The following PDE4B variants were observed in gnomAD, a reference collection of about 807,000 sequenced individuals.
PDE4B encodes the protein phosphodiesterase 4B.
A neutral mutation model predicts 82.2 loss-of-function variants in PDE4B; 20 were observed. That is an observed-to-expected ratio of 0.24 (90% CI 0.17 to 0.35). PDE4B has a LOEUF of 0.35. PDE4B is among the 10% of genes least tolerant of loss of function. The probability of loss-of-function intolerance (pLI) is 1.00; values close to 1 mark genes in which losing one functional copy is unlikely to be tolerated. For missense variants in PDE4B, 655 were observed against 907.2 expected (o/e 0.72, Z 3.57); for synonymous variants, 320 against 318.9 (o/e 1.00, Z -0.04).
chr1:66,293,482 A>G (rs1015092982), intron 7 of PDE4B, among the ~76,000 whole-genome samples: 7 of 151,458 alleles, frequency 4.6e-5, no homozygotes, highest in Admixed American at 4.6e-4. Context: ...CATTGCATGT[A>G]CCGTACTGAG....
chr1:66,351,116 A>T (rs1296396294), intron 8 of PDE4B, among the ~76,000 whole-genome samples: 1 of 152,234 alleles, frequency 6.6e-6, no homozygotes, highest in Non-Finnish European at 1.5e-5. Context: ...GTTGGGCATA[A>T]GCTTAAGAAG....
intron 3 of PDE4B, among the ~76,000 whole-genome samples, chr1:66,007,173 G>A (rs1401583001): frequency 6.6e-6 from 1 of 152,140 alleles, no homozygotes; most frequent in African/African-American, 2.4e-5. Context: ...GGCCAGGCAT[G>A]GTGGCTCATG....
chr1:66,245,237 A>T (rs1653210073), intron 3 of PDE4B, among the ~76,000 whole-genome samples: 1 of 152,226 alleles, frequency 6.6e-6, no homozygotes, highest in Admixed American at 6.5e-5. Context: ...GGCCTGGGGC[A>T]GTGGATGGAT....
chr1:66,315,644 G>A (rs1402797364), intron 7 of PDE4B, among the ~76,000 whole-genome samples: 4 of 151,950 alleles, frequency 2.6e-5, no homozygotes, highest in Admixed American at 1.3e-4. Flanking sequence ...TTTTTTAATA[G>A]AGACCGGATT....
intron 3 of PDE4B, among the ~76,000 whole-genome samples, chr1:66,213,805 A>T (rs1217462338): frequency 6.6e-6 from 1 of 152,134 alleles, no homozygotes; most frequent in Non-Finnish European, 1.5e-5. Flanking sequence ...TTTTTCATTC[A>T]TGCAGTTTTT....
intron 3 of PDE4B, among the ~76,000 whole-genome samples, chr1:66,088,238 A>G (rs1644938292): frequency 6.6e-6 from 1 of 152,072 alleles, no homozygotes; most frequent in African/African-American, 2.4e-5. Context: ...ATGTCAACTC[A>G]GACAAGGCAT....
At chr1:66,044,260 A>G (rs1300907818) in intron 3 of PDE4B, among the ~76,000 whole-genome samples, 1 of 151,730 alleles carries the variant, frequency 6.6e-6, no homozygotes, top group Admixed American at 6.6e-5. Context: ...TATTTCTTTT[A>G]GGTATATGAA....
chr1:66,057,228 T>C (rs1370071819), intron 3 of PDE4B, among the ~76,000 whole-genome samples: 2 of 152,186 alleles, frequency 1.3e-5, no homozygotes, highest in African/African-American at 2.4e-5. Flanking sequence ...TGCTAAGTGC[T>C]GGATATACTG....
At chr1:66,022,959 C>A (rs1653223072) in intron 3 of PDE4B, among the ~76,000 whole-genome samples, 1 of 152,010 alleles carries the variant, frequency 6.6e-6, no homozygotes, top group Admixed American at 6.6e-5. Context: ...TCTTGGTAGG[C>A]TATTAATTAT....
intron 4 of PDE4B, among the ~76,000 whole-genome samples, chr1:66,252,552 T>A (rs1233144103): frequency 1.3e-5 from 2 of 152,250 alleles, no homozygotes; most frequent in African/African-American, 4.8e-5. Flanking sequence ...CGATATCTCA[T>A]GTAATTGAAT....
rs542872618 is a variant in PDE4B at position 66,031,050 on chromosome 1, A to G, written c.281+112215A>G. The stretch of plus-strand genomic sequence containing the variant: ...GGGTGACAGGGTCATTGGGACCACA[A>G]GCCTCAACCACAGGCAATTTACCCA... On this transcript the variant is annotated intron_variant, in intron 3 of 16. Coordinates refer to ENST00000341517, the MANE Select transcript of PDE4B (RefSeq NM_002600.4). 5.9e-5 allele frequency among the ~76,000 whole-genome samples: 9 copies of G among 152,336 alleles called. No homozygotes were observed. The South Asian group carries it at 1.7e-3, about 28-fold the overall frequency.
intron 7 of PDE4B, among the ~76,000 whole-genome samples, chr1:66,280,392 A>T (rs571878546): frequency 6.6e-6 from 1 of 152,362 alleles, no homozygotes; most frequent in South Asian, 2.1e-4. Flanking sequence ...ATGCCAATCA[A>T]TTTGTGCCTA....
intron 7 of PDE4B, among the ~76,000 whole-genome samples, chr1:66,276,205 C>A (rs1011541250): frequency 6.6e-6 from 1 of 152,174 alleles, no homozygotes; most frequent in Non-Finnish European, 1.5e-5. Flanking sequence ...ACAGTGCTAG[C>A]CCCTTTGAAT....
At chr1:65,932,189 T>C (rs1322037625) in intron 3 of PDE4B, among the ~76,000 whole-genome samples, 1 of 151,502 alleles carries the variant, frequency 6.6e-6, no homozygotes, top group Non-Finnish European at 1.5e-5. Flanking sequence ...TGGTTTGATC[T>C]AGCATGCAAC....
intron 3 of PDE4B, among the ~76,000 whole-genome samples, chr1:66,026,535 A>T (rs1653443129): frequency 6.6e-6 from 1 of 152,190 alleles, no homozygotes; most frequent in South Asian, 2.1e-4. Flanking sequence ...TTGTTGTCTG[A>T]TTTGTAAAAT....
chr1:65,838,707 G>A (rs975770120), intron 1 of PDE4B, among the ~76,000 whole-genome samples: 3 of 150,896 alleles, frequency 2.0e-5, no homozygotes, highest in South Asian at 2.1e-4. Flanking sequence ...GCTAGTGATC[G>A]ATTTAGCCCT....
chr1:65,948,784 G>A (rs546763796), intron 3 of PDE4B, among the ~76,000 whole-genome samples: 2 of 151,978 alleles, frequency 1.3e-5, no homozygotes, highest in Non-Finnish European at 2.9e-5. Context: ...AGTAATTTAC[G>A]GATTGATCGA....
At chr1:66,169,868 T>C (rs931279220) in intron 3 of PDE4B, among the ~76,000 whole-genome samples, 4 of 152,234 alleles carry the variant, frequency 2.6e-5, no homozygotes, top group African/African-American at 4.8e-5. Context: ...TGGGAAGCTA[T>C]CATTCAGATT....
intron 1 of PDE4B, 102 bp from the exon 2 acceptor site, chr1:65,913,143 T>A: frequency 2.0e-6 from 1 of 505,084 alleles, no homozygotes; most frequent in Non-Finnish European, 3.5e-6. Context: ...TGCTTTTACA[T>A]GTACATTGTA....
Sources: allele counts gnomAD v4.1 joint callset (sites outside exome capture counted in the v4.1 genomes callset), GRCh38; gene constraint gnomAD v4.1.1; transcripts MANE v1.5; gene names NCBI Gene and HGNC (gene_info 2026-07-23, HGNC 2026-07-21).